The following NRXN2 variants were observed in gnomAD, a reference collection of about 807,000 sequenced individuals.
NRXN2 encodes the protein neurexin-2-beta.
NRXN2 carries 29 observed loss-of-function variants against 128.8 expected under a neutral mutation model. That is an observed-to-expected ratio of 0.23 (90% confidence interval 0.17 to 0.31). The LOEUF (loss-of-function observed/expected upper bound fraction) is 0.31. NRXN2 is among the 10% of genes least tolerant of loss of function. The pLI is 1.00. For synonymous variants in NRXN2, 1,098 were observed against 1,075.2 expected (o/e 1.02, Z -0.41); for missense variants, 1,881 against 2,452.6 (o/e 0.77, Z 4.92).
At chr11:64,612,081 C>T (rs776967009) in intron 22 of NRXN2, among the ~76,000 whole-genome samples, 30 of 152,316 alleles carry the variant, frequency 2.0e-4, no homozygotes, top group Middle Eastern at 3.4e-3. Flanking sequence ...TCACTCAACC[C>T]GGCCTAGGCT....
Position 64,685,561 on chromosome 11 carries a change from CCA to C in NRXN2, c.1152+83_1152+84del, listed in dbSNP as rs996772774. ...TCACTGCCCAGCCCTGATCCCTCCA[CCA>C]CAAGCTCCCGGCAGCCCCCTCTCCC... On this transcript the variant is annotated intron_variant, in intron 6 of 22. Coordinates refer to ENST00000265459, the MANE Select transcript of NRXN2 (RefSeq NM_015080.4). 16 of 1,572,066 alleles carry C rather than the reference CCA, an allele frequency of 1.0e-5. No homozygotes were observed. The African/African-American group carries it at 2.0e-4, about 20-fold the overall frequency.
chr11:64,710,327 C>T (rs1222122053), intron 2 of NRXN2, among the ~76,000 whole-genome samples: 2 of 152,154 alleles, frequency 1.3e-5, no homozygotes, highest in African/African-American at 4.8e-5. Flanking sequence ...CACAAACATT[C>T]ATCTGATACC....
Position 64,708,638 on chromosome 11 carries a change from C to A in NRXN2, c.730+4332G>T, listed in dbSNP as rs117603432. 3.2e-4 allele frequency among the ~76,000 whole-genome samples: 49 copies of A among 152,258 alleles called. 1 individual carries two copies. The East Asian group carries it at 8.9e-3, about 28-fold the overall frequency. On this transcript the variant is annotated intron_variant, in intron 2 of 22. Transcript: ENST00000265459. ...TCTCCGTCAATGAGTAAGCCCAGAC[C>A]CTGGGAGAGCAGGAGGGATTCCAAA...
chr11:64,667,544 C>A lies in NRXN2; in HGVS notation c.1504G>T (p.Ala502Ser). Reference sequence around the variant, plus strand: ...CTCCAGCGGGGCAGCGCCACAAAGGCCTCGGGACTCTCAAAGGTCACAGGG... The same window carrying A: ...CTCCAGCGGGGCAGCGCCACAAAGGACTCGGGACTCTCAAAGGTCACAGGG... Reference protein sequence around the residue: ...LDPVTFESPEAFVALPRWSAK... With the variant: ...LDPVTFESPESFVALPRWSAK... The change falls in exon 9 of 23, where the codon GCC (alanine) becomes TCC (serine). Residue 502 changes from alanine (A) to serine (S), a missense_variant. By Grantham distance (99) the Ala-to-Ser change is moderately conservative. Coordinates refer to ENST00000265459, the MANE Select transcript of NRXN2 (RefSeq NM_015080.4). This position sits in a 1 kb window ranked among gnomAD's most constrained non-coding sequence, Gnocchi z 5.6. The A allele has an allele frequency of 6.2e-7, 1 of 1,614,204 alleles. No homozygotes were observed. Among genetic ancestry groups the A allele is most frequent in the African/African-American group, 1.3e-5 (1 of 75,068 alleles).
chr11:64,663,874 A>T (rs2049399501), intron 9 of NRXN2, among the ~76,000 whole-genome samples: 1 of 152,262 alleles, frequency 6.6e-6, no homozygotes, highest in South Asian at 2.1e-4. Flanking sequence ...AAGGAAGGAC[A>T]TCCTGACACA....
rs905975496 is a variant in NRXN2, at chr11:64,688,769, G to T, written c.850+1636C>A. ...ATGTGGCTAGAGACTAGTTGTTGTG[G>T]TCCTGCATTTCTGAGAACCATGCAT... On this transcript the variant is annotated intron_variant, in intron 5 of 22. Coordinates refer to ENST00000265459, the MANE Select transcript of NRXN2 (RefSeq NM_015080.4). 18 of 985,308 alleles carry T rather than the reference G, an allele frequency of 1.8e-5. No homozygotes were observed. In the East Asian group the frequency reaches 9.1e-4, roughly 50 times the overall value. 61.0% of individuals were successfully genotyped at this position (985,308 alleles called of 1,614,324 possible). A position where few individuals can be genotyped will look rare whatever the true frequency, so the allele number is the denominator to read the frequency against.
In NRXN2 at chr11:64,623,100, G is replaced by A; in HGVS notation, c.3848-22C>T. 2 of 1,585,304 alleles carry A rather than the reference G, an allele frequency of 1.3e-6. No individual in the cohort carries two copies. The highest frequency in any genetic ancestry group is 1.7e-6 in the Non-Finnish European group (2 of 1,164,366). ...CGGCCTTGCAGGAGTGGAAGGGGGT[G>A]ACAGAGAAGGGGCAGGCAGTGAGGG... is the stretch of plus-strand genomic sequence containing the variant. On this transcript the variant is annotated intron_variant, in intron 20 of 22. Coordinates refer to ENST00000265459, the MANE Select transcript of NRXN2 (RefSeq NM_015080.4). This position sits in a 1 kb window ranked among gnomAD's most constrained non-coding sequence, Gnocchi z 4.9.
intron 5 of NRXN2, among the ~76,000 whole-genome samples, chr11:64,686,935 T>C (rs899808195): frequency 6.6e-6 from 1 of 152,184 alleles, no homozygotes; most frequent in Non-Finnish European, 1.5e-5. Context: ...GACTCAGTAG[T>C]ACCAAGAAGT....
chr11:64,614,891 T>G (rs1473950146), intron 22 of NRXN2, among the ~76,000 whole-genome samples: 1 of 152,202 alleles, frequency 6.6e-6, no homozygotes, highest in East Asian at 1.9e-4. Flanking sequence ...AGCTTTGAGA[T>G]GAATGCCCTA....
intron 22 of NRXN2, among the ~76,000 whole-genome samples, chr11:64,615,077 G>A (rs893668455): frequency 1.3e-5 from 2 of 152,240 alleles, no homozygotes; most frequent in Non-Finnish European, 2.9e-5. Context: ...ATACCTCACA[G>A]CCTTCCTTAA....
intron 22 of NRXN2, among the ~76,000 whole-genome samples, chr11:64,615,146 C>T (rs1445397711): frequency 6.6e-6 from 1 of 152,230 alleles, no homozygotes; most frequent in Non-Finnish European, 1.5e-5. Context: ...GGAGCCTGCA[C>T]GCCTCTCCCA....
rs568541787 is a variant in NRXN2, at chr11:64,607,820, G to T, written c.4515C>A (p.Leu1505=). The T allele has an allele frequency of 1.2e-5, 19 of 1,602,182 alleles. No individual in the cohort carries two copies. The African/African-American group carries it at 1.5e-4, about 12-fold the overall frequency. ...AAAAGTCCTCGTCGTCCGTGGGGGG[G>T]AGGCTGGAGTCAAAGACCTCCCCGG... ...FASGEVFDSS[L]PPTDDEDFYT... Residue 1505 remains leucine, a synonymous_variant, in exon 23 of 23, where the codon CTC becomes CTA. Coordinates refer to ENST00000265459, the MANE Select transcript of NRXN2 (RefSeq NM_015080.4).
At chr11:64,618,549 G>A (rs962427444) in intron 22 of NRXN2, among the ~76,000 whole-genome samples, 2 of 152,204 alleles carry the variant, frequency 1.3e-5, no homozygotes, top group African/African-American at 4.8e-5. Context: ...GCAGTGCTGT[G>A]TTGGCCACAG....
intron 5 of NRXN2, chr11:64,688,322 C>T (rs1592126745): frequency 2.0e-6 from 2 of 985,322 alleles, no homozygotes; most frequent in South Asian, 9.4e-5. Flanking sequence ...CCAGAGACGC[C>T]AAGAGGCCTG....
At chr11:64,702,321 C>T (rs1218181873) in intron 2 of NRXN2, among the ~76,000 whole-genome samples, 12 of 152,208 alleles carry the variant, frequency 7.9e-5, no homozygotes, top group South Asian at 6.2e-4. Flanking sequence ...TCATTGAGAA[C>T]GGGCCATGAT....
chr11:64,681,873 G>A (rs1043387896), intron 6 of NRXN2, among the ~76,000 whole-genome samples: 12 of 152,212 alleles, frequency 7.9e-5, no homozygotes, highest in African/African-American at 2.9e-4. Context: ...ATGCCAGAGA[G>A]GGAGAGAGGC....
intron 22 of NRXN2, among the ~76,000 whole-genome samples, chr11:64,616,052 TA>T (rs901453006): frequency 6.6e-6 from 1 of 152,158 alleles, no homozygotes; most frequent in African/African-American, 2.4e-5. Context: ...TGAGCTTCTA[TA>T]GGGGCGGGCT....
chr11:64,696,564 C>CACACACACACACA (rs1592182227), intron 3 of NRXN2, among the ~76,000 whole-genome samples: 1 of 150,306 alleles, frequency 6.7e-6, no homozygotes, highest in Non-Finnish European at 1.5e-5. Flanking sequence ...CACACACACA[C>CACACACACACACA]CTGCCTGCTG....
In NRXN2 at chr11:64,632,122, G is replaced by A. The variant is rs1005556167; in HGVS notation, c.3586-1549C>T. 6.6e-5 allele frequency among the ~76,000 whole-genome samples: 10 copies of A among 152,226 alleles called. No homozygotes were observed. Among genetic ancestry groups the A allele is most frequent in the Admixed American group, 5.2e-4 (8 of 15,290 alleles). ...GTGTTGGCAGGGGTGGCTCACAGAT[G>A]GGGCAAGGGTTGGGGTTTGGCAGAG... On this transcript the variant is annotated intron_variant, in intron 18 of 22. Coordinates refer to ENST00000265459, the MANE Select transcript of NRXN2 (RefSeq NM_015080.4). This position sits in a 1 kb window ranked among gnomAD's most constrained non-coding sequence, Gnocchi z 4.2.
Sources: allele counts gnomAD v4.1 joint callset (sites outside exome capture counted in the v4.1 genomes callset), GRCh38; gene constraint gnomAD v4.1.1; non-coding constraint Gnocchi (gnomAD v3.1); transcripts MANE v1.5; gene names NCBI Gene and HGNC (gene_info 2026-07-23, HGNC 2026-07-21).